The following HSF5 variants were observed in gnomAD, a reference collection of about 807,000 sequenced individuals.
The protein encoded by HSF5 is heat shock transcription factor 5, also known as heat shock factor protein 5.
A neutral mutation model predicts 50.8 loss-of-function variants in HSF5; 5 were observed. The observed-to-expected ratio is 0.10, with a 90% CI of 0.05 to 0.21. The LOEUF (loss-of-function observed/expected upper bound fraction) is 0.21, where lower values mean the gene tolerates loss of function less well. HSF5 is among the 10% of genes least tolerant of loss of function. HSF5 has a pLI of 1.00. For synonymous variants in HSF5, 307 were observed against 307.4 expected, an observed-to-expected ratio of 1.00 and a Z score of 0.02; for missense variants, 564 against 762.6, an observed-to-expected ratio of 0.74 and a Z score of 3.07.
chr17:58,429,295 G>A (rs1049467231), intron 5 of HSF5, among the ~76,000 whole-genome samples: 4 of 152,164 alleles, frequency 2.6e-5, no homozygotes, highest in African/African-American at 9.7e-5. Flanking sequence ...TTCTTTTGGG[G>A]TGCTGAAAAT....
Position 58,420,600 on chromosome 17 carries a change from T to C in HSF5, c.*1760A>G, listed in dbSNP as rs546712848. On this transcript the variant is annotated 3_prime_UTR_variant, in exon 6 of 6. Coordinates refer to ENST00000323777, the MANE Select transcript of HSF5 (RefSeq NM_001080439.3). ...TACACAGTATATTAGCTCTTCAACA[T>C]GACAGAGAAAAAGCAAAGTTCCTTC... 1 of 152,188 alleles carries C rather than the reference T, an allele frequency of 6.6e-6. No individual in the cohort carries two copies. Among genetic ancestry groups the C allele is most frequent in the Non-Finnish European group, 1.5e-5 (1 of 68,042 alleles). 9.4% of individuals were successfully genotyped at this position (152,188 alleles called of 1,614,324 possible).
chr17:58,453,601 A>G (rs1003254091), intron 5 of HSF5, among the ~76,000 whole-genome samples: 2 of 145,626 alleles, frequency 1.4e-5, no homozygotes, highest in African/African-American at 5.2e-5. Flanking sequence ...TCCATCTCAA[A>G]CAACAACAAC....
chr17:58,425,406 T>TAA (rs35148302), intron 5 of HSF5, among the ~76,000 whole-genome samples: 1 of 135,652 alleles, frequency 7.4e-6, no homozygotes, highest in Non-Finnish European at 1.6e-5. Flanking sequence ...AACTCCACCT[T>TAA]AAAAAAAAAA....
chr17:58,467,050 C>G, intron 2 of HSF5, 71 bp from the exon 3 acceptor site: 1 of 962,806 alleles, frequency 1.0e-6, no homozygotes, highest in South Asian at 1.4e-5. Context: ...GAGCTCCCCT[C>G]TTTCAACATG....
intron 4 of HSF5, among the ~76,000 whole-genome samples, chr17:58,461,078 G>C (rs1187652475): frequency 2.0e-5 from 3 of 151,604 alleles, no homozygotes; most frequent in Non-Finnish European, 4.4e-5. Context: ...AGCCAGCCTG[G>C]GGGGACACAC....
At position 58,422,151 on chromosome 17, in the gene HSF5, C is replaced by T; in HGVS notation, c.*209G>A. On this transcript the variant is annotated 3_prime_UTR_variant, in exon 6 of 6. Transcript: ENST00000323777. The stretch of plus-strand genomic sequence containing the variant: ...CCAAAAAACGTGGCTGCTAGATGTT[C>T]AGTAGTTTGTCAAGGCAGATAATCT... The T allele has an allele frequency of 2.0e-6, 1 of 505,180 alleles. No individual in the cohort carries two copies. Among genetic ancestry groups the T allele is most frequent in the Non-Finnish European group, 3.5e-6 (1 of 283,732 alleles). The allele number at this position is 505,180 out of a possible 1,614,324, so 31.3% of individuals were successfully genotyped here. A position where few individuals can be genotyped will look rare whatever the true frequency, so the allele number is the denominator to read the frequency against.
At chr17:58,450,294 G>A (rs1353773766) in intron 5 of HSF5, among the ~76,000 whole-genome samples, 8 of 129,484 alleles carry the variant, frequency 6.2e-5, no homozygotes, top group South Asian at 2.4e-4. Flanking sequence ...AGCCAAGATC[G>A]CGCCATTGCA....
Position 58,469,194 on chromosome 17 carries a change from A to C in HSF5, c.926-2215T>G, listed in dbSNP as rs544482318. 2.0e-5 allele frequency among the ~76,000 whole-genome samples: 3 copies of C among 152,204 alleles called. No individual in the cohort carries two copies. In the South Asian group the frequency reaches 6.2e-4, roughly 32 times the overall value. On this transcript the variant is annotated intron_variant, in intron 2 of 5. Coordinates refer to ENST00000323777, the MANE Select transcript of HSF5 (RefSeq NM_001080439.3). ...AGAAAGACTTAGGAGCTGCAGGTCC[A>C]TTCCATCGGGGTACCAAAAAGCTGT...
intron 2 of HSF5, among the ~76,000 whole-genome samples, chr17:58,473,375 TAAAGAA>T (rs1487651886): frequency 1.3e-5 from 2 of 152,164 alleles, no homozygotes; most frequent in Non-Finnish European, 2.9e-5. Flanking sequence ...TATTCAGCAT[TAAAGAA>T]AAACAGTTCT....
At chr17:58,486,358 T>TC (rs1452448815) in intron 1 of HSF5, among the ~76,000 whole-genome samples, 1 of 152,104 alleles carries the variant, frequency 6.6e-6, no homozygotes, top group Non-Finnish European at 1.5e-5. Context: ...AGAGCGAAAC[T>TC]CCGTCTCAAA....
Position 58,420,852 on chromosome 17 carries a change from C to T in HSF5, c.*1508G>A, listed in dbSNP as rs796291613. ...TCACTGCAGATCAATACAGAGCTCA[C>T]CCTTTTCCAGAAAAGTAGATCTCTG... On this transcript the variant is annotated 3_prime_UTR_variant, in exon 6 of 6. Transcript: ENST00000323777. 5.9e-5 allele frequency: 9 copies of T among 152,472 alleles called. No homozygotes were observed. The highest frequency in any genetic ancestry group is 2.2e-4 in the African/African-American group (9 of 41,572). 9.4% of individuals were successfully genotyped at this position (152,472 alleles called of 1,614,324 possible). A position where few individuals can be genotyped will look rare whatever the true frequency, so the allele number is the denominator to read the frequency against.
intron 4 of HSF5, among the ~76,000 whole-genome samples, chr17:58,460,410 A>T (rs1186831907): frequency 6.6e-6 from 1 of 151,770 alleles, no homozygotes; most frequent in Non-Finnish European, 1.5e-5. Flanking sequence ...TTTCTTTATG[A>T]ATTTATTTTA....
intron 2 of HSF5, among the ~76,000 whole-genome samples, chr17:58,471,188 ATAGT>A: frequency 6.6e-6 from 1 of 152,228 alleles, no homozygotes; most frequent in East Asian, 1.9e-4. Context: ...ACCCTGAAAA[ATAGT>A]TAAAGTGGTT....
intron 5 of HSF5, among the ~76,000 whole-genome samples, chr17:58,437,294 C>A (rs545049710): frequency 8.5e-5 from 13 of 152,152 alleles, no homozygotes; most frequent in Non-Finnish European, 1.8e-4. Context: ...CATATCTAAA[C>A]CTCAAAAGTC....
In HSF5 at chr17:58,434,102, G is replaced by A. The variant is rs146683081; in HGVS notation, c.1721-11672C>T. 4.0e-5 allele frequency among the ~76,000 whole-genome samples: 6 copies of A among 151,388 alleles called. No homozygotes were observed. In the East Asian group the frequency reaches 7.9e-4, roughly 20 times the overall value. The stretch of plus-strand genomic sequence containing the variant: ...TTAATTTTGTATTTTTAGTAGAGAC[G>A]GGGTTTCACCATATTGGCCAGGTTG... On this transcript the variant is annotated intron_variant, in intron 5 of 5. Transcript: ENST00000323777.
chr17:58,479,791 T>C (rs915699262), intron 2 of HSF5, 102 bp downstream of exon 2: 1 of 1,016,482 alleles, frequency 9.8e-7, no homozygotes, highest in Admixed American at 2.4e-5. Flanking sequence ...ATTCCTACTG[T>C]TTGTGTTAAA....
chr17:58,474,338 A>G (rs1318916157), intron 2 of HSF5, among the ~76,000 whole-genome samples: 1 of 152,196 alleles, frequency 6.6e-6, no homozygotes, highest in African/African-American at 2.4e-5. Context: ...TTTTGCCCAC[A>G]TTATGTACTA....
intron 5 of HSF5, among the ~76,000 whole-genome samples, chr17:58,453,684 C>A (rs562033007): frequency 1.3e-5 from 2 of 152,236 alleles, no homozygotes; most frequent in Non-Finnish European, 2.9e-5. Flanking sequence ...CCCAGGGATG[C>A]AAGGAGGGTT....
In HSF5 at chr17:58,478,107, C is replaced by T. The variant is rs545841582; in HGVS notation, c.925+1786G>A. Among the ~76,000 whole-genome samples, 5 of 151,874 alleles carry T rather than the reference C, an allele frequency of 3.3e-5. No individual in the cohort carries two copies. In the East Asian group the frequency reaches 9.7e-4, roughly 29 times the overall value. ...AAAAAGCATACCACATGATGAAATA[C>T]ATGCCACTGCTGTTGTGTTTTTGCA... On this transcript the variant is annotated intron_variant, in intron 2 of 5. Transcript: ENST00000323777.
Sources: gnomAD v4.1 joint callset for allele counts (sites outside exome capture counted in the v4.1 genomes callset) on GRCh38, gnomAD v4.1.1 for gene constraint, MANE v1.5 for transcripts, NCBI Gene and HGNC (gene_info 2026-07-23, HGNC 2026-07-21) for gene names.